The following ITPK1 variants were observed in gnomAD, a reference collection of about 807,000 sequenced individuals.
ITPK1 encodes the protein inositol 1,3,4-trisphosphate 5/6-kinase.
A neutral mutation model predicts 45.3 loss-of-function variants in ITPK1; 21 were observed. The observed-to-expected ratio is 0.46, with a 90% CI of 0.33 to 0.67. The LOEUF is 0.67. ITPK1 is among the 30% of genes least tolerant of loss of function. The probability of loss-of-function intolerance (pLI) is 0.02; values close to 1 mark genes in which losing one functional copy is unlikely to be tolerated. For synonymous variants in ITPK1, 258 were observed against 253.6 expected (o/e 1.02, Z -0.16); for missense variants, 474 against 573.5 (o/e 0.83, Z 1.77).
chr14:93,054,904 A>G (rs1890159071), intron 3 of ITPK1, among the ~76,000 whole-genome samples: 3 of 152,178 alleles, frequency 2.0e-5, no homozygotes. Flanking sequence ...ATATTTCACA[A>G]ACTGGCACCC....
At chr14:93,020,331 G>GA (rs1325365885) in intron 3 of ITPK1, among the ~76,000 whole-genome samples, 1 of 152,216 alleles carries the variant, frequency 6.6e-6, no homozygotes, top group East Asian at 1.9e-4. Context: ...CTGGAACTGG[G>GA]GAGGGGTGGG....
intron 3 of ITPK1, among the ~76,000 whole-genome samples, chr14:93,022,635 C>T (rs1444275624): frequency 6.6e-6 from 1 of 152,046 alleles, no homozygotes; most frequent in African/African-American, 2.4e-5. Context: ...GCCTAGCTTC[C>T]CAAGTAGCTG....
At chr14:92,960,901 AG>A (rs1350482305) in intron 7 of ITPK1, among the ~76,000 whole-genome samples, 1 of 152,236 alleles carries the variant, frequency 6.6e-6, no homozygotes, top group Non-Finnish European at 1.5e-5. Context: ...CAACACCCAC[AG>A]GAAGACTACG....
chr14:93,073,560 C>G (rs564122625), intron 3 of ITPK1, among the ~76,000 whole-genome samples: 109 of 152,348 alleles, frequency 7.2e-4, no homozygotes, highest in African/African-American at 2.5e-3. Flanking sequence ...ACTCCCATGA[C>G]CAACCGACCT....
intron 2 of ITPK1, among the ~76,000 whole-genome samples, chr14:93,108,966 T>A (rs539644968): frequency 6.6e-6 from 1 of 152,298 alleles, no homozygotes; most frequent in East Asian, 1.9e-4. Flanking sequence ...TGAGCCAAGA[T>A]CGTGCCACTG....
At chr14:92,980,356 G>C (rs1021876465) in intron 5 of ITPK1, among the ~76,000 whole-genome samples, 4 of 152,224 alleles carry the variant, frequency 2.6e-5, no homozygotes, top group African/African-American at 9.7e-5. Context: ...GGCTTGAGAG[G>C]AGGGGAGAAA....
intron 4 of ITPK1, among the ~76,000 whole-genome samples, chr14:93,000,879 G>A (rs1887304732): frequency 6.6e-6 from 1 of 150,988 alleles, no homozygotes; most frequent in Admixed American, 6.6e-5. Context: ...GCTGAGGCAG[G>A]AGAATCACTT....
chr14:92,943,467 G>A (rs1887533476), intron 10 of ITPK1, among the ~76,000 whole-genome samples: 1 of 152,222 alleles, frequency 6.6e-6, no homozygotes. Context: ...GACCCGGGGT[G>A]TCCGTCGGCC....
intron 2 of ITPK1, among the ~76,000 whole-genome samples, chr14:93,100,820 T>G (rs949217307): frequency 6.6e-6 from 1 of 152,120 alleles, no homozygotes; most frequent in African/African-American, 2.4e-5. Flanking sequence ...GTTGGTTAAT[T>G]GAGAGTGAGA....
In ITPK1 at chr14:93,048,379, G is replaced by A. The variant is rs145325975; in HGVS notation, c.120+28216C>T. ...CAGAATCATGAGTGAAGATGTGTCTGGTTTTAAGTGGTGACTAAAAATGGC... is the reference window on the plus strand; with the variant it reads ...CAGAATCATGAGTGAAGATGTGTCTAGTTTTAAGTGGTGACTAAAAATGGC... On this transcript the variant is annotated intron_variant, in intron 3 of 10. Coordinates refer to ENST00000267615, the MANE Select transcript of ITPK1 (RefSeq NM_014216.6). 4.2e-3 allele frequency among the ~76,000 whole-genome samples: 634 copies of A among 152,340 alleles called. 2 individuals carry two copies. The highest frequency in any genetic ancestry group is 0.014 in the African/African-American group (578 of 41,574).
At chr14:93,112,270 C>A (rs895499846) in intron 2 of ITPK1, among the ~76,000 whole-genome samples, 4 of 152,138 alleles carry the variant, frequency 2.6e-5, no homozygotes, top group African/African-American at 9.7e-5. Flanking sequence ...TGCCCCCTCT[C>A]TTGATGGGTT....
chr14:92,979,236 T>C (rs1489100368), intron 5 of ITPK1, among the ~76,000 whole-genome samples: 1 of 152,256 alleles, frequency 6.6e-6, no homozygotes, highest in Non-Finnish European at 1.5e-5. Flanking sequence ...ATTGGGTCTG[T>C]TTAACCAATG....
intron 2 of ITPK1, among the ~76,000 whole-genome samples, chr14:93,083,186 G>A (rs769168201): frequency 3.3e-5 from 5 of 152,172 alleles, no homozygotes; most frequent in Admixed American, 6.5e-5. Context: ...CTGCAGCACA[G>A]TACCAGGTGT....
intron 5 of ITPK1, among the ~76,000 whole-genome samples, chr14:92,988,086 C>T (rs1886586134): frequency 6.6e-6 from 1 of 152,226 alleles, no homozygotes; most frequent in Non-Finnish European, 1.5e-5. Flanking sequence ...GATGTGAAAA[C>T]AAAAACAGTG....
intron 4 of ITPK1, among the ~76,000 whole-genome samples, chr14:93,010,481 G>A (rs1212526305): frequency 6.6e-6 from 1 of 152,234 alleles, no homozygotes; most frequent in Non-Finnish European, 1.5e-5. Context: ...TATGCGGTAG[G>A]CAAGGGGACC....
In ITPK1 at chr14:93,076,106, T is replaced by C. The variant is rs544680480; in HGVS notation, c.120+489A>G. ...CCATCCTTCCTTCTCCCTCCATCCT[T>C]CCTTCTCCCTCCATCTGTCCACCTT... On this transcript the variant is annotated intron_variant, in intron 3 of 10. Transcript: ENST00000267615. This position sits in a 1 kb window ranked among gnomAD's most constrained non-coding sequence, Gnocchi z 4.3. Among the ~76,000 whole-genome samples the C allele has an allele frequency of 9.9e-5, 15 of 151,034 alleles. No individual in the cohort carries two copies. The highest frequency in any genetic ancestry group is 7.9e-4 in the Admixed American group (12 of 15,154).
intron 3 of ITPK1, chr14:93,070,045 T>A (rs193187834): frequency 3.3e-5 from 5 of 152,364 alleles, no homozygotes. Flanking sequence ...AATCTCTAAC[T>A]GGCTGCTGCA....
intron 4 of ITPK1, among the ~76,000 whole-genome samples, chr14:93,001,352 C>T (rs554680674): frequency 1.3e-5 from 2 of 152,180 alleles, no homozygotes; most frequent in East Asian, 1.9e-4. Context: ...TGAAAGTCAG[C>T]GTGGGCCTGC....
chr14:93,028,384 C>T (rs1409023680), intron 3 of ITPK1, among the ~76,000 whole-genome samples: 1 of 152,246 alleles, frequency 6.6e-6, no homozygotes, highest in Admixed American at 6.5e-5. Flanking sequence ...AACACCTTCG[C>T]TCAGCCTGTT....
Sources: gnomAD v4.1 joint callset for allele counts (sites outside exome capture counted in the v4.1 genomes callset) on GRCh38, gnomAD v4.1.1 for gene constraint, Gnocchi (gnomAD v3.1) non-coding constraint, MANE v1.5 for transcripts, NCBI Gene and HGNC (gene_info 2026-07-23, HGNC 2026-07-21) for gene names.